The following LIMCH1 variants were observed in gnomAD, a reference collection of about 807,000 sequenced individuals.
LIMCH1 encodes LIM and calponin homology domains 1.
Under a neutral mutation model 176.5 loss-of-function variants are expected in LIMCH1, and 113 were observed. The ratio of observed to expected loss-of-function variants is 0.64; its 90% CI spans 0.55 to 0.75. LIMCH1 has a LOEUF of 0.75. Among genes scored for constraint, LIMCH1 ranks in the 30% least tolerant of loss-of-function variants. The pLI, the probability that LIMCH1 is intolerant of heterozygous loss-of-function variation, is 0.00. For missense variants in LIMCH1, 1,674 were observed against 1,814.9 expected, an observed-to-expected ratio of 0.92 and a Z score of 1.41; for synonymous variants, 619 against 645.9, an observed-to-expected ratio of 0.96 and a Z score of 0.63.
intron 1 of LIMCH1, among the ~76,000 whole-genome samples, chr4:41,486,977 T>TACACACAC (rs71927545): frequency 0.07 from 9,670 of 138,372 alleles, 360 homozygotes; most frequent in East Asian, 0.11. Flanking sequence ...CACACATACA[T>TACACACAC]ACACACACAC....
chr4:41,633,159 AC>A, intron 12 of LIMCH1, 74 bp downstream of exon 12: 1 of 1,105,652 alleles, frequency 9.0e-7, no homozygotes. Flanking sequence ...TCCCAAAAAA[AC>A]AGCTTAAAGT....
At chr4:41,575,836 C>T (rs908736162) in intron 1 of LIMCH1, among the ~76,000 whole-genome samples, 1 of 152,120 alleles carries the variant, frequency 6.6e-6, no homozygotes, top group African/African-American at 2.4e-5. Flanking sequence ...TAGGAGATTC[C>T]CCTATACTTT....
chr4:41,531,515 C>CACAT (rs763489174), intron 3 of LIMCH1, among the ~76,000 whole-genome samples: 6,004 of 105,626 alleles, frequency 0.057, 207 homozygotes, highest in Middle Eastern at 0.079. Context: ...CACACACACA[C>CACAT]ATACACACCT....
chr4:41,681,769 A>AACAAACCTGCAGGATGT (rs1341739102), intron 25 of LIMCH1, among the ~76,000 whole-genome samples: 1 of 152,218 alleles, frequency 6.6e-6, no homozygotes, highest in East Asian at 1.9e-4. Flanking sequence ...TTATCTGTGT[A>AACAAACCTGCAGGATGT]ACAAACCTGC....
chr4:41,506,927 AC>A (rs2074249129), intron 2 of LIMCH1, among the ~76,000 whole-genome samples: 1 of 152,032 alleles, frequency 6.6e-6, no homozygotes, highest in Non-Finnish European at 1.5e-5. Flanking sequence ...GACTGCCCCC[AC>A]CCCTCATTTA....
chr4:41,433,692 T>A (rs1309240423), intron 1 of LIMCH1, among the ~76,000 whole-genome samples: 8 of 93,456 alleles, frequency 8.6e-5, no homozygotes, highest in African/African-American at 1.3e-4. Context: ...TTTTTTTTTT[T>A]AAACTTTTAA....
rs533252979 is a variant in LIMCH1, at chr4:41,469,481, C to T, written c.97-25055C>T. On this transcript the variant is annotated intron_variant, in intron 1 of 26. Transcript: ENST00000313860. ...TGAGAGAGGAAGGTGACTCTCAGTG[C>T]GGGCCATGCTTGCAGCCATAGGCAT... 5.5e-3 allele frequency among the ~76,000 whole-genome samples: 836 copies of T among 152,258 alleles called. 9 individuals are homozygous for T. Among genetic ancestry groups the T allele is most frequent in the African/African-American group, 0.019 (799 of 41,554 alleles).
At chr4:41,571,722 A>G (rs1476708478) in intron 1 of LIMCH1, among the ~76,000 whole-genome samples, 1 of 152,178 alleles carries the variant, frequency 6.6e-6, no homozygotes, top group East Asian at 1.9e-4. Context: ...GGAATATGAT[A>G]CTGGATTATC....
chr4:41,499,388 T>A (rs1390100260), intron 2 of LIMCH1, among the ~76,000 whole-genome samples: 1 of 152,218 alleles, frequency 6.6e-6, no homozygotes, highest in African/African-American at 2.4e-5. Flanking sequence ...TGTTGCAGGG[T>A]GGATCTTGTA....
At chr4:41,454,712 G>T (rs921427907) in intron 1 of LIMCH1, among the ~76,000 whole-genome samples, 12 of 152,258 alleles carry the variant, frequency 7.9e-5, no homozygotes, top group East Asian at 5.8e-4. Context: ...AAGCTATGCA[G>T]GGCACGTCAA....
At chr4:41,495,533 A>T (rs2071964414) in intron 2 of LIMCH1, among the ~76,000 whole-genome samples, 1 of 152,028 alleles carries the variant, frequency 6.6e-6, no homozygotes, top group African/African-American at 2.4e-5. Flanking sequence ...CATAGAATAA[A>T]CTCCTGTTTT....
At chr4:41,688,386 T>C (rs1007322499) in intron 29 of LIMCH1, among the ~76,000 whole-genome samples, 2 of 152,210 alleles carry the variant, frequency 1.3e-5, no homozygotes, top group Non-Finnish European at 2.9e-5. Context: ...ATGATATTTT[T>C]AAAAGCCGCC....
At chr4:41,411,836 T>C (rs145221395) in intron 1 of LIMCH1, among the ~76,000 whole-genome samples, 3 of 151,810 alleles carry the variant, frequency 2.0e-5, no homozygotes, top group African/African-American at 7.3e-5. Context: ...CAGGTGCCTG[T>C]AATCCCAGCT....
chr4:41,457,648 TGCAGTTTGGCTCTGGAGGCCAC>T (rs1243823475), intron 1 of LIMCH1, among the ~76,000 whole-genome samples: 1 of 152,172 alleles, frequency 6.6e-6, no homozygotes, highest in African/African-American at 2.4e-5. Context: ...GTAGGCAGTG[TGCAGTTTGGCTCTGGAGGCCAC>T]ATCCCTAACG....
At position 41,487,874 on chromosome 4, in the gene LIMCH1, A is replaced by G. The variant is rs368099869; in HGVS notation, c.97-6662A>G. Among the ~76,000 whole-genome samples, 735 of 150,264 alleles carry G rather than the reference A, an allele frequency of 4.9e-3. 2 individuals carry two copies. Among genetic ancestry groups the G allele is most frequent in the Middle Eastern group, 0.021 (6 of 282 alleles). On this transcript the variant is annotated intron_variant, in intron 1 of 26. Coordinates refer to the LIMCH1 transcript ENST00000313860. The stretch of plus-strand genomic sequence containing the variant: ...TCACCGTGTTAGCCAGGATGGTCTC[A>G]ATCTCCTGACCTCCTGATCTGCCCG...
rs2068164943 is a variant in LIMCH1 at position 41,479,086 on chromosome 4, C to T, written c.97-15450C>T. Reference sequence around the variant, plus strand: ...GACCCATATACCCACCACCTAGTTTCAACAATTGTTAGAATTTTCTTTATT... The same window carrying T: ...GACCCATATACCCACCACCTAGTTTTAACAATTGTTAGAATTTTCTTTATT... On this transcript the variant is annotated intron_variant, in intron 1 of 26. Coordinates refer to the LIMCH1 transcript ENST00000313860. 2.0e-5 allele frequency among the ~76,000 whole-genome samples: 3 copies of T among 152,238 alleles called. No homozygotes were observed. In the South Asian group the frequency reaches 6.2e-4, roughly 32 times the overall value.
chr4:41,444,309 T>TAC (rs1427403313), intron 1 of LIMCH1, among the ~76,000 whole-genome samples: 2 of 99,528 alleles, frequency 2.0e-5, no homozygotes, highest in Non-Finnish European at 4.3e-5. Context: ...TGTGTGTATA[T>TAC]ATATACACAC....
chr4:41,671,056 T>A, intron 21 of LIMCH1: 6 of 787,834 alleles, frequency 7.6e-6, no homozygotes, highest in South Asian at 6.0e-5. Flanking sequence ...GTCCCCTGCC[T>A]TTAAAAAAAA....
intron 22 of LIMCH1, 109 bp downstream of exon 22, chr4:41,671,703 C>T: frequency 1.2e-6 from 1 of 808,020 alleles, no homozygotes; most frequent in South Asian, 1.5e-5. Context: ...TGGCTCACGC[C>T]TGTAATCCCA....
Sources: gnomAD v4.1 joint callset for allele counts (sites outside exome capture counted in the v4.1 genomes callset) on GRCh38, gnomAD v4.1.1 for gene constraint, MANE v1.5 for transcripts, NCBI Gene and HGNC (gene_info 2026-07-23, HGNC 2026-07-21) for gene names.